Variants in ULBP1 observed in about 807,000 individuals in gnomAD.
ULBP1 encodes UL16 binding protein 1.
A neutral mutation model predicts 25.3 loss-of-function variants in ULBP1; 28 were observed. That is an observed-to-expected ratio of 1.10 (90% confidence interval 0.82 to 1.51). The LOEUF (loss-of-function observed/expected upper bound fraction) is 1.51, where lower values mean the gene tolerates loss of function less well. ULBP1 is among the 40% of genes most tolerant of loss of function. The pLI is 0.00. For synonymous variants in ULBP1, 129 were observed against 103.0 expected, an observed-to-expected ratio of 1.25 and a Z score of -1.53; for missense variants, 348 against 290.9, an observed-to-expected ratio of 1.20 and a Z score of -1.43.
intron 3 of ULBP1, 118 bp from the exon 4 acceptor site, chr6:149,969,898 A>G: frequency 1.5e-6 from 2 of 1,378,696 alleles, no homozygotes; most frequent in Non-Finnish European, 2.0e-6. Context: ...GTTGCCCCAC[A>G]GCAGAGGGGG....
Position 149,969,128 on chromosome 6 carries a change from C to T in ULBP1, c.393C>T (p.Ala131=), listed in dbSNP as rs1203715976. 22 of 1,614,046 alleles carry T rather than the reference C, an allele frequency of 1.4e-5. No homozygotes were observed. Among genetic ancestry groups the T allele is most frequent in the Non-Finnish European group, 1.9e-5 (22 of 1,180,044 alleles). The change falls in exon 3 of 5, where the codon GCC becomes GCT. Residue 131 remains alanine, a synonymous_variant. Coordinates refer to ENST00000229708, the MANE Select transcript of ULBP1 (RefSeq NM_025218.4). ...LQARMSCEHE[A]HGHGRGSWQF... is the part of the protein sequence containing the mutation. Reference sequence around the variant, plus strand: ...CCAGGATGTCTTGTGAGCATGAAGCCCATGGACACGGCAGAGGATCTTGGC... The same window carrying T: ...CCAGGATGTCTTGTGAGCATGAAGCTCATGGACACGGCAGAGGATCTTGGC...
chr6:149,972,151 A>G lies in ULBP1; in HGVS notation c.*805A>G, dbSNP rs550499528. ...ATTTTTAATTATTTAATATGAAAAT[A>G]TTACATTCATGATTATTTTATTTAG... On this transcript the variant is annotated 3_prime_UTR_variant, in exon 5 of 5. Transcript: ENST00000229708. 3.9e-5 allele frequency: 6 copies of G among 152,268 alleles called. No individual in the cohort carries two copies. The highest frequency in any genetic ancestry group is 1.4e-4 in the African/African-American group (6 of 41,552). The allele number at this position is 152,268 out of a possible 1,614,324, so 9.4% of individuals were successfully genotyped here.
intron 1 of ULBP1, among the ~76,000 whole-genome samples, 192 bp from the exon 2 acceptor site, chr6:149,968,415 C>T (rs1779241844): frequency 6.6e-6 from 1 of 152,210 alleles, no homozygotes; most frequent in Non-Finnish European, 1.5e-5. Flanking sequence ...AGGAACCTTC[C>T]CCTCCGTGTA....
At chr6:149,970,854 G>T (rs1169239834) in intron 4 of ULBP1, among the ~76,000 whole-genome samples, 2 of 152,254 alleles carry the variant, frequency 1.3e-5, no homozygotes, top group African/African-American at 4.8e-5. Context: ...TCAGGCAGGG[G>T]AGCTGAGCTG....
At position 149,969,126 on chromosome 6, in the gene ULBP1, G is replaced by A; in HGVS notation, c.391G>A (p.Ala131Thr). ...GGCCAGGATGTCTTGTGAGCATGAAGCCCATGGACACGGCAGAGGATCTTG... is the reference window on the plus strand; with the variant it reads ...GGCCAGGATGTCTTGTGAGCATGAAACCCATGGACACGGCAGAGGATCTTG... ...LQARMSCEHE[A>T]HGHGRGSWQF... is the part of the protein sequence containing the mutation. The change falls in exon 3 of 5, where the codon GCC becomes ACC. Residue 131 changes from alanine to threonine, a missense_variant. Coordinates refer to ENST00000229708, the MANE Select transcript of ULBP1 (RefSeq NM_025218.4). The A allele has an allele frequency of 6.2e-7, 1 of 1,614,248 alleles. No homozygotes were observed. The highest frequency in any genetic ancestry group is 1.1e-5 in the South Asian group (1 of 91,086).
intron 4 of ULBP1, 79 bp downstream of exon 4, chr6:149,970,226 C>G (rs1779290240): frequency 6.7e-7 from 1 of 1,494,884 alleles, no homozygotes; most frequent in Non-Finnish European, 9.0e-7. Context: ...TTCCCAGAGT[C>G]CCAGAGGCCG....
chr6:149,970,167 G>A lies in ULBP1; in HGVS notation c.*22+20G>A, dbSNP rs376016471. On this transcript the variant is annotated intron_variant, in intron 4 of 4. Transcript: ENST00000229708. ...TGACAGGTACTGTGGGCAATATTGGGAGGGGAGCAAGAGGCAGATGGGTGA... is the reference window on the plus strand; with the variant it reads ...TGACAGGTACTGTGGGCAATATTGGAAGGGGAGCAAGAGGCAGATGGGTGA... The A allele has an allele frequency of 6.4e-7, 1 of 1,563,282 alleles. No individual in the cohort carries two copies. Among genetic ancestry groups the A allele is most frequent in the Admixed American group, 1.9e-5 (1 of 51,912 alleles).
intron 1 of ULBP1, among the ~76,000 whole-genome samples, chr6:149,967,507 G>A (rs746961037): frequency 2.6e-5 from 4 of 152,174 alleles, no homozygotes; most frequent in African/African-American, 9.7e-5. Flanking sequence ...ATTTCCTAGG[G>A]TGACTCCTTT....
rs778677296 is a variant in ULBP1 at position 149,968,871 on chromosome 6, G to A, written c.349+1G>A. 3.2e-5 allele frequency: 52 copies of A among 1,613,308 alleles called. No homozygotes were observed. The highest frequency in any genetic ancestry group is 4.2e-5 in the Non-Finnish European group (50 of 1,179,556). ...CAAGTGGAGAATTTAATACCCATTG[G>A]TAAGTTTAAAATGGCCCAGGGAGCA... On this transcript the variant is annotated splice_donor_variant, in intron 2 of 4. Coordinates refer to ENST00000229708, the MANE Select transcript of ULBP1 (RefSeq NM_025218.4). LOFTEE classifies it high-confidence loss of function.
rs1217625656 is a variant in ULBP1 at position 149,970,697 on chromosome 6, G to A, written c.*22+550G>A. On this transcript the variant is annotated intron_variant, in intron 4 of 4. Coordinates refer to ENST00000229708, the MANE Select transcript of ULBP1 (RefSeq NM_025218.4). The stretch of plus-strand genomic sequence containing the variant: ...TAAGGTGGAAGGTGAAGAGTAGAGC[G>A]TGTCCAGGGTGAGATTTAGGAAAAG... Among the ~76,000 whole-genome samples the A allele has an allele frequency of 7.2e-5, 11 of 152,258 alleles. No individual in the cohort carries two copies. The East Asian group carries it at 7.7e-4, about 11-fold the overall frequency.
intron 1 of ULBP1, among the ~76,000 whole-genome samples, chr6:149,968,319 A>G (rs577458272): frequency 6.6e-6 from 1 of 152,222 alleles, no homozygotes; most frequent in Non-Finnish European, 1.5e-5. Context: ...TAGGCCTGGC[A>G]CCTCCACCAC....
chr6:149,964,181 A>G, intron 1 of ULBP1, 47 bp downstream of exon 1: 1 of 1,608,954 alleles, frequency 6.2e-7, no homozygotes, highest in Non-Finnish European at 8.5e-7. Flanking sequence ...CAAACCTGGG[A>G]GGTTGTGGAC....
intron 4 of ULBP1, 41 bp downstream of exon 4, chr6:149,970,188 G>A (rs1779289720): frequency 1.9e-6 from 3 of 1,540,304 alleles, no homozygotes; most frequent in Admixed American, 4.0e-5. Context: ...GAGGCAGATG[G>A]GTGAGATGGG....
intron 1 of ULBP1, among the ~76,000 whole-genome samples, chr6:149,965,615 C>T (rs1357164992): frequency 5.9e-5 from 9 of 152,114 alleles, no homozygotes; most frequent in Non-Finnish European, 1.0e-4. Context: ...CACAGACTCC[C>T]CCATCAGCCA....
At chr6:149,967,189 G>A (rs900915725) in intron 1 of ULBP1, among the ~76,000 whole-genome samples, 7 of 152,234 alleles carry the variant, frequency 4.6e-5, no homozygotes, top group Non-Finnish European at 7.3e-5. Context: ...ACCTGACAGA[G>A]GTGTCCATCT....
Position 149,971,585 on chromosome 6 carries a change from A to T in ULBP1, c.*239A>T, listed in dbSNP as rs1204520403. 3.0e-5 allele frequency: 5 copies of T among 169,108 alleles called. No individual in the cohort carries two copies. The highest frequency in any genetic ancestry group is 1.2e-4 in the African/African-American group (5 of 41,550). The allele number at this position is 169,108 out of a possible 1,614,324, so 10.5% of individuals were successfully genotyped here. ...CATGATCCCAGCAGCCATTTTTCTT[A>T]ACACCTTCTGCCACTTTCTGTCGGT... is the stretch of plus-strand genomic sequence containing the variant. On this transcript the variant is annotated 3_prime_UTR_variant, in exon 5 of 5. Coordinates refer to ENST00000229708, the MANE Select transcript of ULBP1 (RefSeq NM_025218.4).
chr6:149,972,623 A>G lies in ULBP1; in HGVS notation c.*1277A>G, dbSNP rs572892193. On this transcript the variant is annotated 3_prime_UTR_variant, in exon 5 of 5. Coordinates refer to ENST00000229708, the MANE Select transcript of ULBP1 (RefSeq NM_025218.4). ...AAACTCTGCATCTGATGAAGGTCCAATATCCAGAATCTACAAGGAACTTAA... is the reference window on the plus strand; with the variant it reads ...AAACTCTGCATCTGATGAAGGTCCAGTATCCAGAATCTACAAGGAACTTAA... The G allele has an allele frequency of 6.6e-6, 1 of 152,382 alleles. No individual in the cohort carries two copies. The highest frequency in any genetic ancestry group is 6.5e-5 in the Admixed American group (1 of 15,308). The allele number at this position is 152,382 out of a possible 1,614,324, so 9.4% of individuals were successfully genotyped here. A position where few individuals can be genotyped will look rare whatever the true frequency, so the allele number is the denominator to read the frequency against.
At chr6:149,969,719 A>G (rs1411110391) in intron 3 of ULBP1, among the ~76,000 whole-genome samples, 2 of 151,992 alleles carry the variant, frequency 1.3e-5, no homozygotes, top group East Asian at 1.9e-4. Context: ...ATCACCTCCA[A>G]TGCCAGGGCC....
rs1234119482 is a variant in ULBP1 at position 149,973,419 on chromosome 6, A to G, written c.*2073A>G. 1 of 152,152 alleles carries G rather than the reference A, an allele frequency of 6.6e-6. No individual in the cohort carries two copies. Among genetic ancestry groups the G allele is most frequent in the Non-Finnish European group, 1.5e-5 (1 of 68,016 alleles). 9.4% of individuals were successfully genotyped at this position (152,152 alleles called of 1,614,324 possible). A position where few individuals can be genotyped will look rare whatever the true frequency, so the allele number is the denominator to read the frequency against. On this transcript the variant is annotated 3_prime_UTR_variant, in exon 5 of 5. Coordinates refer to ENST00000229708, the MANE Select transcript of ULBP1 (RefSeq NM_025218.4). ...TGGGACACCAAGCCTCAGCTTCTCA[A>G]ATTCTACCCATGTAACAAACCTGTA...
Sources: allele counts gnomAD v4.1 joint callset (sites outside exome capture counted in the v4.1 genomes callset), GRCh38; gene constraint gnomAD v4.1.1; transcripts MANE v1.5; gene names NCBI Gene and HGNC (gene_info 2026-07-23, HGNC 2026-07-21).